The following IKZF1 variants were observed in gnomAD, a reference collection of about 807,000 sequenced individuals.
IKZF1 encodes the protein IKAROS family zinc finger 1.
In IKZF1, 10 loss-of-function variants were observed where a neutral mutation model predicts 51.7. The observed-to-expected ratio is 0.19, with a 90% CI of 0.12 to 0.33. IKZF1 has a LOEUF of 0.33. IKZF1 is among the 10% of genes least tolerant of loss of function. IKZF1 has a pLI of 1.00. For synonymous variants in IKZF1, 280 were observed against 282.3 expected (o/e 0.99, Z 0.08); for missense variants, 484 against 707.5 (o/e 0.68, Z 3.58).
chr7:50,401,741 G>A lies in IKZF1; in HGVS notation c.*1114G>A, dbSNP rs1178218458. On this transcript the variant is annotated 3_prime_UTR_variant, in exon 8 of 8. Transcript: ENST00000331340. Reference sequence around the variant, plus strand: ...CCTACCCTCACTATATATTATTCTCGTTTTAAAACCCATAAAGGAGTGATT... The same window carrying A: ...CCTACCCTCACTATATATTATTCTCATTTTAAAACCCATAAAGGAGTGATT... 4.6e-6 allele frequency: 1 copy of A among 217,338 alleles called. No homozygotes were observed. The highest frequency in any genetic ancestry group is 5.8e-5 in the Admixed American group (1 of 17,228). The allele number at this position is 217,338 out of a possible 1,614,324, so 13.5% of individuals were successfully genotyped here. A position where few individuals can be genotyped will look rare whatever the true frequency, so the allele number is the denominator to read the frequency against.
intron 3 of IKZF1, among the ~76,000 whole-genome samples, chr7:50,350,544 C>T (rs7785321): frequency 0.15 from 22,853 of 152,106 alleles, 2,384 homozygotes; most frequent in African/African-American, 0.3. Flanking sequence ...GGCAGGATTC[C>T]GAGGCAGGCA....
chr7:50,374,751 A>G (rs1809740014), intron 3 of IKZF1, among the ~76,000 whole-genome samples: 3 of 152,200 alleles, frequency 2.0e-5, no homozygotes, highest in Non-Finnish European at 4.4e-5. Context: ...TGGATGAGGA[A>G]ATCAAGGCAC....
chr7:50,334,457 A>G (rs2153401199), intron 3 of IKZF1, among the ~76,000 whole-genome samples: 2 of 151,686 alleles, frequency 1.3e-5, no homozygotes, highest in South Asian at 2.1e-4. Flanking sequence ...TGGTATGTTT[A>G]TGCATGTAGT....
In IKZF1 at chr7:50,376,859, G is replaced by A. The variant is rs1584888894; in HGVS notation, c.421+66G>A. ...GGTGCATGGGGTTTGAAGGAGGAAA[G>A]CATCCTGTCTTCCTTGTGTTCTGAG... On this transcript the variant is annotated intron_variant, in intron 4 of 7. Transcript: ENST00000331340. This position sits in a 1 kb window ranked among gnomAD's most constrained non-coding sequence, Gnocchi z 4.5. 1 of 1,581,860 alleles carries A rather than the reference G, an allele frequency of 6.3e-7. No individual in the cohort carries two copies. The highest frequency in any genetic ancestry group is 8.6e-7 in the Non-Finnish European group (1 of 1,163,140).
intron 2 of IKZF1, among the ~76,000 whole-genome samples, chr7:50,322,119 T>C (rs1793526383): frequency 6.6e-6 from 1 of 152,240 alleles, no homozygotes; most frequent in Admixed American, 6.5e-5. Context: ...GTTTGATCTC[T>C]GCTTCTCCAG....
At chr7:50,332,314 A>C (rs1391352648) in intron 3 of IKZF1, among the ~76,000 whole-genome samples, 1 of 152,102 alleles carries the variant, frequency 6.6e-6, no homozygotes, top group Non-Finnish European at 1.5e-5. Context: ...CTTTATACAT[A>C]CATTTTTGCC....
At chr7:50,399,828 C>T in intron 7 of IKZF1, 90 bp from the exon 8 acceptor site, 1 of 1,503,694 alleles carries the variant, frequency 6.7e-7, no homozygotes, top group South Asian at 1.3e-5. Context: ...TCCCCTTCCC[C>T]TCCCCGGTTG....
intron 3 of IKZF1, chr7:50,368,985 A>G (rs1807846226): frequency 4.5e-6 from 1 of 223,312 alleles, no homozygotes; most frequent in South Asian, 1.8e-4. Flanking sequence ...TAACAGTATC[A>G]AAGTACATCT....
At chr7:50,306,827 G>A (rs1788924219) in intron 1 of IKZF1, among the ~76,000 whole-genome samples, 1 of 152,136 alleles carries the variant, frequency 6.6e-6, no homozygotes, top group Non-Finnish European at 1.5e-5. Flanking sequence ...GGATGTGTGT[G>A]TTTCATGCGT....
At chr7:50,342,416 G>A (rs1236144739) in intron 3 of IKZF1, among the ~76,000 whole-genome samples, 1 of 152,104 alleles carries the variant, frequency 6.6e-6, no homozygotes, top group African/African-American at 2.4e-5. Flanking sequence ...TTTTAAGTTG[G>A]GAAGTCCTCT....
Position 50,384,495 on chromosome 7 carries a change from G to A in IKZF1, c.589+1788G>A, listed in dbSNP as rs529928627. On this transcript the variant is annotated intron_variant, in intron 5 of 7. Coordinates refer to ENST00000331340, the MANE Select transcript of IKZF1 (RefSeq NM_006060.6). ...CGAGAGGGCGGGCAGATCAGCAGGGGGGCCATGGAGTGGGACACTTGCCTT... is the reference window on the plus strand; with the variant it reads ...CGAGAGGGCGGGCAGATCAGCAGGGAGGCCATGGAGTGGGACACTTGCCTT... 2.6e-5 allele frequency among the ~76,000 whole-genome samples: 4 copies of A among 152,394 alleles called. No homozygotes were observed. The East Asian group carries it at 5.8e-4, about 22-fold the overall frequency.
chr7:50,323,675 T>C (rs1241563270), intron 2 of IKZF1, among the ~76,000 whole-genome samples: 1 of 152,242 alleles, frequency 6.6e-6, no homozygotes, highest in Non-Finnish European at 1.5e-5. Flanking sequence ...TAAATTATTC[T>C]ATTTAAACAC....
intron 2 of IKZF1, among the ~76,000 whole-genome samples, chr7:50,324,982 A>G (rs557087129): frequency 1.3e-5 from 2 of 151,854 alleles, no homozygotes; most frequent in Non-Finnish European, 2.9e-5. Context: ...TAGTTTCTCA[A>G]CCTCCCACCT....
intron 5 of IKZF1, among the ~76,000 whole-genome samples, chr7:50,385,432 G>A (rs1409851413): frequency 6.6e-6 from 1 of 152,186 alleles, no homozygotes; most frequent in Non-Finnish European, 1.5e-5. Context: ...TGTTAGCAGG[G>A]ATAGAGTTAG....
At chr7:50,392,769 A>G (rs1815521211) in intron 7 of IKZF1, among the ~76,000 whole-genome samples, 1 of 151,992 alleles carries the variant, frequency 6.6e-6, no homozygotes, top group Non-Finnish European at 1.5e-5. Context: ...TGGAAGAGGA[A>G]TAGAGTTTCA....
In IKZF1 at chr7:50,391,656, A is replaced by C. The variant is rs1423380712; in HGVS notation, c.716-73A>C. 5.7e-6 allele frequency: 9 copies of C among 1,569,880 alleles called. No individual in the cohort carries two copies. In the East Asian group the frequency reaches 2.0e-4, roughly 35 times the overall value. ...CTTGTAGGCACTTAACAAATGTCAG[A>C]TTTAACATTGGACGCGACTGAACCC... On this transcript the variant is annotated intron_variant, in intron 6 of 7. Transcript: ENST00000331340.
At chr7:50,310,678 A>G (rs1789953346) in intron 1 of IKZF1, among the ~76,000 whole-genome samples, 1 of 152,220 alleles carries the variant, frequency 6.6e-6, no homozygotes, top group African/African-American at 2.4e-5. Flanking sequence ...TTCGGGTTAC[A>G]GGACAGCCAG....
In IKZF1 at chr7:50,371,056, C is replaced by T. The variant is rs562122004; in HGVS notation, c.161-5477C>T. On this transcript the variant is annotated intron_variant, in intron 3 of 7. Transcript: ENST00000331340. ...CATGGGGTTGAACCAAGCACAATGC[C>T]TGCAAATCGGGCAGGCGGGTTCATG... Among the ~76,000 whole-genome samples the T allele has an allele frequency of 2.6e-5, 4 of 152,276 alleles. No individual in the cohort carries two copies. In the South Asian group the frequency reaches 8.3e-4, roughly 32 times the overall value.
chr7:50,354,309 C>T (rs1035372956), intron 3 of IKZF1, among the ~76,000 whole-genome samples: 8 of 152,186 alleles, frequency 5.3e-5, no homozygotes, highest in South Asian at 2.1e-4. Flanking sequence ...TGTGGGTGCC[C>T]GGGCTTCCAT....
Sources: allele counts gnomAD v4.1 joint callset (sites outside exome capture counted in the v4.1 genomes callset), GRCh38; gene constraint gnomAD v4.1.1; non-coding constraint Gnocchi (gnomAD v3.1); transcripts MANE v1.5; gene names NCBI Gene and HGNC (gene_info 2026-07-23, HGNC 2026-07-21).